The following MARK4 variants were observed in gnomAD, a reference collection of about 807,000 sequenced individuals.
MARK4 encodes the protein microtubule affinity regulating kinase 4.
Under a neutral mutation model 81.5 loss-of-function variants are expected in MARK4, and 19 were observed. The ratio of observed to expected loss-of-function variants is 0.23; its 90% CI spans 0.16 to 0.34. MARK4 has a LOEUF of 0.34. MARK4 is among the 10% of genes least tolerant of loss of function. The probability of loss-of-function intolerance (pLI) is 1.00; values close to 1 mark genes in which losing one functional copy is unlikely to be tolerated. For missense variants in MARK4, 772 were observed against 1,058.8 expected, an observed-to-expected ratio of 0.73 and a Z score of 3.76; for synonymous variants, 436 against 439.0, an observed-to-expected ratio of 0.99 and a Z score of 0.08.
intron 6 of MARK4, 32 bp downstream of exon 6, chr19:45,264,942 G>C (rs1568492242): frequency 6.2e-7 from 1 of 1,610,258 alleles, no homozygotes; most frequent in Admixed American, 1.7e-5. Flanking sequence ...GGGCTGACTG[G>C]GTGCCTGGGT....
intron 1 of MARK4, among the ~76,000 whole-genome samples, chr19:45,258,214 T>G (rs1203798448): frequency 3.9e-5 from 6 of 151,924 alleles, no homozygotes; most frequent in Non-Finnish European, 8.8e-5. Flanking sequence ...CTCGAACTCC[T>G]GACCTCATGA....
In MARK4 at chr19:45,300,273, A is replaced by G. The variant is rs370901146; in HGVS notation, c.1922+418A>G. Among the ~76,000 whole-genome samples the G allele has an allele frequency of 4.1e-4, 57 of 138,518 alleles. 2 individuals are homozygous for G. The East Asian group carries it at 0.012, about 30-fold the overall frequency. 90.9% of individuals were successfully genotyped at this position (138,518 alleles called of 152,430 possible). Reference sequence around the variant, plus strand: ...GGCAGGAGAATCGCTTGAACCCGGGAGGCAGAGGTTGCGGTGAGCTGGATT... The same window carrying G: ...GGCAGGAGAATCGCTTGAACCCGGGGGGCAGAGGTTGCGGTGAGCTGGATT... On this transcript the variant is annotated intron_variant, in intron 16 of 16. Coordinates refer to ENST00000262891, the MANE Select transcript of MARK4 (RefSeq NM_001199867.2).
At chr19:45,257,924 C>T (rs1045892634) in intron 1 of MARK4, among the ~76,000 whole-genome samples, 6 of 144,674 alleles carry the variant, frequency 4.1e-5, no homozygotes, top group Admixed American at 1.4e-4. Flanking sequence ...CTCCTGACCT[C>T]GTGATCTGCC....
chr19:45,302,673 C>T lies in MARK4; in HGVS notation c.2222C>T (p.Thr741Ile), dbSNP rs1461034039. The T allele has an allele frequency of 2.0e-6, 3 of 1,537,060 alleles. No homozygotes were observed. The highest frequency in any genetic ancestry group is 2.0e-5 in the Admixed American group (1 of 51,054). Residue 741 changes from threonine to isoleucine, a missense_variant, in exon 17 of 17, where the codon ACC becomes ATC. Thr to Ile is a moderately conservative substitution (Grantham distance 89). Around this residue, in one of 3 missense-constraint regions of MARK4, gnomAD observed 548 missense variants for 624.3 expected, o/e 0.88. Transcript: ENST00000262891. The surrounding 1 kb of genome is among the most constrained non-coding windows in gnomAD (Gnocchi z 4.9). ...GCGGGCACCGCCCTGGCCTTCCGCA[C>T]CCTCGTCACCCGCATCTCCAACGAC... is the stretch of plus-strand genomic sequence containing the variant. The part of the protein sequence containing the change: ...RVAGTALAFR[T>I]LVTRISNDLE...
intron 12 of MARK4, among the ~76,000 whole-genome samples, chr19:45,283,619 C>G (rs1970705715): frequency 6.6e-6 from 1 of 152,114 alleles, no homozygotes; most frequent in Non-Finnish European, 1.5e-5. Flanking sequence ...CACTTCATTC[C>G]TTTTCATTGG....
At position 45,282,005 on chromosome 19, in the gene MARK4, C is replaced by T. The variant is rs532078025; in HGVS notation, c.1276+1271C>T. Among the ~76,000 whole-genome samples, 17 of 152,074 alleles carry T rather than the reference C, an allele frequency of 1.1e-4. No individual in the cohort carries two copies. The South Asian group carries it at 3.5e-3, about 32-fold the overall frequency. On this transcript the variant is annotated intron_variant, in intron 12 of 16. Coordinates refer to ENST00000262891, the MANE Select transcript of MARK4 (RefSeq NM_001199867.2). ...TTGGGAGGCCGAGGTGAGTGGATCA[C>T]CTGAGGTTGGGAGTTTGAGACCGGC...
chr19:45,280,716 C>A lies in MARK4; in HGVS notation c.1258C>A (p.Arg420Ser). The change falls in exon 12 of 17, where the codon CGC becomes AGC. Residue 420 changes from arginine to serine, a missense_variant. Arg to Ser is a moderately radical substitution (Grantham distance 110, BLOSUM62 -1). This residue lies in a region of MARK4 where 548 missense variants were observed against 624.3 expected (regional missense o/e 0.88). Coordinates refer to ENST00000262891, the MANE Select transcript of MARK4 (RefSeq NM_001199867.2). ...RSSSSTYHRQ[R>S]RHSDFCGPSP... ...TTCCTCTTCCACCTACCACCGCCAG[C>A]GCAGGCATAGCGATTTCTGTGAGTA... 2 of 1,614,132 alleles carry A rather than the reference C, an allele frequency of 1.2e-6. No homozygotes were observed. The highest frequency in any genetic ancestry group is 1.7e-6 in the Non-Finnish European group (2 of 1,179,994).
In MARK4 at chr19:45,278,588, G is replaced by A. The variant is rs1382449232; in HGVS notation, c.979G>A (p.Glu327Lys). 1 of 1,613,898 alleles carries A rather than the reference G, an allele frequency of 6.2e-7. No individual in the cohort carries two copies. Among genetic ancestry groups the A allele is most frequent in the South Asian group, 1.1e-5 (1 of 91,072 alleles). ...GTTGAAGCCATACACAGAGCCCGAG[G>A]AGGACTTCGGGGACACCAAGAGAAT... ...EELKPYTEPEEDFGDTKRIEV... is the reference protein window; with the variant it reads ...EELKPYTEPEKDFGDTKRIEV... Residue 327 changes from glutamate to lysine, a missense_variant, in exon 10 of 17, where the codon GAG becomes AAG. Coordinates refer to ENST00000262891, the MANE Select transcript of MARK4 (RefSeq NM_001199867.2).
rs1184270086 is a variant in MARK4 at position 45,302,620 on chromosome 19, C to T, written c.2169C>T (p.Gly723=). The change falls in exon 17 of 17, where the codon GGC becomes GGT. Residue 723 remains glycine, a synonymous_variant. Coordinates refer to ENST00000262891, the MANE Select transcript of MARK4 (RefSeq NM_001199867.2). This position sits in a 1 kb window ranked among gnomAD's most constrained non-coding sequence, Gnocchi z 4.9. ...AGGTCTGCCAGCTGCCCCGGCCAGG[C>T]TTGCGGGGAGTTCTCTTCCGCCGTG... The part of the protein sequence containing the change: ...EVEVCQLPRP[G]LRGVLFRRVA... The T allele has an allele frequency of 1.3e-6, 2 of 1,551,512 alleles. No homozygotes were observed. The highest frequency in any genetic ancestry group is 1.1e-5 in the South Asian group (1 of 86,958).
chr19:45,258,830 C>G (rs2123028645), intron 1 of MARK4, 159 bp from the exon 2 acceptor site: 3 of 758,612 alleles, frequency 4.0e-6, no homozygotes, highest in African/African-American at 1.8e-5. Flanking sequence ...CTGGAGGCGT[C>G]TTTTTGTAGA....
chr19:45,258,996 C>A lies in MARK4; in HGVS notation c.59C>A (p.Thr20Asn). The change falls in exon 2 of 17, where the codon ACC becomes AAC. Residue 20 changes from threonine (T) to asparagine (N), a missense_variant. By Grantham distance (65) the Thr-to-Asn change is moderately conservative. Coordinates refer to ENST00000262891, the MANE Select transcript of MARK4 (RefSeq NM_001199867.2). ...TCCATCTCCCCCGCCCAGCATGGCA[C>A]CTTGGGCAGTGGCCGCTCCTCGGAC... ...GNDRNSDTHG[T>N]LGSGRSSDKG... 6.2e-7 allele frequency: 1 copy of A among 1,612,490 alleles called. No individual in the cohort carries two copies. Among genetic ancestry groups the A allele is most frequent in the African/African-American group, 1.3e-5 (1 of 75,002 alleles).
At chr19:45,293,273 T>A (rs554405834) in intron 13 of MARK4, among the ~76,000 whole-genome samples, 71 of 151,660 alleles carry the variant, frequency 4.7e-4, no homozygotes, top group Admixed American at 1.5e-3. Context: ...TCCAAAAAAA[T>A]AAATAAATAA....
chr19:45,302,475 C>G lies in MARK4; in HGVS notation c.2024C>G (p.Ala675Gly), dbSNP rs769212607. The G allele has an allele frequency of 5.6e-6, 9 of 1,611,946 alleles. No individual in the cohort carries two copies. The highest frequency in any genetic ancestry group is 4.4e-5 in the South Asian group (4 of 91,078). ...TSSRPPEALM[A>G]ALRQATAAAR... is the part of the protein sequence containing the mutation. ...TCGCGCCCTCCTGAGGCCCTGATGG[C>G]AGCTCTGCGCCAGGCCACAGCAGCC... The change falls in exon 17 of 17, where the codon GCA becomes GGA. Residue 675 changes from alanine to glycine, a missense_variant. Around this residue, in one of 3 missense-constraint regions of MARK4, gnomAD observed 548 missense variants for 624.3 expected, o/e 0.88. Coordinates refer to ENST00000262891, the MANE Select transcript of MARK4 (RefSeq NM_001199867.2). The surrounding 1 kb of genome is among the most constrained non-coding windows in gnomAD (Gnocchi z 4.9).
intron 8 of MARK4, among the ~76,000 whole-genome samples, chr19:45,277,672 AT>A (rs1361156236): frequency 8.8e-5 from 13 of 148,358 alleles, no homozygotes; most frequent in Non-Finnish European, 9.0e-5. Flanking sequence ...CTGGCCAAGA[AT>A]TTTTTTTTTT....
intron 7 of MARK4, among the ~76,000 whole-genome samples, chr19:45,269,915 G>A (rs1479461465): frequency 1.3e-5 from 2 of 152,006 alleles, no homozygotes; most frequent in East Asian, 1.9e-4. Context: ...GTACAGTGAT[G>A]CAGTTTCAGC....
chr19:45,265,785 G>A (rs915406799), intron 6 of MARK4, among the ~76,000 whole-genome samples: 9 of 150,088 alleles, frequency 6.0e-5, no homozygotes, highest in Admixed American at 2.0e-4. Context: ...TGAGGGTGCC[G>A]GGGCATGTGG....
intron 12 of MARK4, among the ~76,000 whole-genome samples, chr19:45,284,358 C>T (rs1302073256): frequency 1.3e-5 from 2 of 150,292 alleles, no homozygotes; most frequent in Non-Finnish European, 3.0e-5. Context: ...AGTCTCGCTC[C>T]GTTGCCCAAG....
In MARK4 at chr19:45,282,178, A is replaced by G. The variant is rs182169760; in HGVS notation, c.1276+1444A>G. Among the ~76,000 whole-genome samples the G allele has an allele frequency of 6.3e-3, 950 of 151,256 alleles. 4 individuals carry two copies. Among genetic ancestry groups the G allele is most frequent in the Middle Eastern group, 0.01 (3 of 294 alleles). On this transcript the variant is annotated intron_variant, in intron 12 of 16. Transcript: ENST00000262891. The stretch of plus-strand genomic sequence containing the variant: ...GCGGAGGTTGCAGTGAGCCGAGATC[A>G]TGCCATTGCACACCAGCCTGGGCAA...
At chr19:45,251,859 C>T (rs930687578) in intron 1 of MARK4, among the ~76,000 whole-genome samples, 4 of 151,930 alleles carry the variant, frequency 2.6e-5, no homozygotes, top group Non-Finnish European at 5.9e-5. Context: ...GGACCCCTCT[C>T]TTGTCCCCGT....
Sources: allele counts gnomAD v4.1 joint callset (sites outside exome capture counted in the v4.1 genomes callset), GRCh38; gene constraint gnomAD v4.1.1; regional missense constraint gnomAD v4.1.1; non-coding constraint Gnocchi (gnomAD v3.1); transcripts MANE v1.5; gene names NCBI Gene and HGNC (gene_info 2026-07-23, HGNC 2026-07-21).